DCLK1: variants seen among roughly 807,000 people sequenced by gnomAD.
DCLK1 encodes serine/threonine-protein kinase DCLK1.
Under a neutral mutation model 86.2 loss-of-function variants are expected in DCLK1, and 16 were observed. The ratio of observed to expected loss-of-function variants is 0.19; its 90% confidence interval spans 0.13 to 0.28. The LOEUF (loss-of-function observed/expected upper bound fraction) is 0.28. Ranked by LOEUF, DCLK1 falls within the 10% of genes least tolerant of loss-of-function variation. The pLI is 1.00. For synonymous variants in DCLK1, 369 were observed against 370.5 expected, an observed-to-expected ratio of 1.00 and a Z score of 0.05; for missense variants, 590 against 940.2, an observed-to-expected ratio of 0.63 and a Z score of 4.87.
intron 4 of DCLK1, among the ~76,000 whole-genome samples, chr13:35,888,142 C>G (rs1873407595): frequency 6.6e-6 from 1 of 152,138 alleles, no homozygotes; most frequent in Non-Finnish European, 1.5e-5. Context: ...GCCAAAAAGT[C>G]TAGTATTTAT....
chr13:35,979,238 C>T (rs776890709), intron 3 of DCLK1, among the ~76,000 whole-genome samples: 1 of 152,174 alleles, frequency 6.6e-6, no homozygotes, highest in Non-Finnish European at 1.5e-5. Context: ...AAGTGCCAAG[C>T]GACTTTCCAA....
At position 35,814,105 on chromosome 13, in the gene DCLK1, G is replaced by T. The variant is rs542150895; in HGVS notation, c.1555-3137C>A. On this transcript the variant is annotated intron_variant, in intron 11 of 16. Coordinates refer to ENST00000360631, the MANE Select transcript of DCLK1 (RefSeq NM_001330071.2). ...GTTTAAGAAGCCCTCTCTCAACGGG[G>T]ACTCTTCATTAGCACCTGCTACGGC... 1.8e-4 allele frequency among the ~76,000 whole-genome samples: 27 copies of T among 152,152 alleles called. No individual in the cohort carries two copies. The South Asian group carries it at 5.6e-3, about 32-fold the overall frequency.
intron 3 of DCLK1, among the ~76,000 whole-genome samples, chr13:36,086,953 T>C (rs980736886): frequency 6.6e-6 from 1 of 152,228 alleles, no homozygotes. Flanking sequence ...ATCTTTATAG[T>C]AGAATGATTT....
At chr13:36,064,932 T>C (rs2153160041) in intron 3 of DCLK1, among the ~76,000 whole-genome samples, 1 of 152,282 alleles carries the variant, frequency 6.6e-6, no homozygotes, top group South Asian at 2.1e-4. Flanking sequence ...TGAAAGGCAA[T>C]GGTACTAATA....
At chr13:36,110,311 T>C (rs1220058973) in intron 3 of DCLK1, among the ~76,000 whole-genome samples, 1 of 152,130 alleles carries the variant, frequency 6.6e-6, no homozygotes. Flanking sequence ...ATTTACGACA[T>C]TTAGGCTACA....
intron 4 of DCLK1, among the ~76,000 whole-genome samples, chr13:35,890,464 A>G (rs1873576635): frequency 6.6e-6 from 1 of 152,202 alleles, no homozygotes; most frequent in South Asian, 2.1e-4. Flanking sequence ...AAATGGATAT[A>G]TAGTAATTTA....
chr13:35,906,966 C>T (rs1874722152), intron 4 of DCLK1, among the ~76,000 whole-genome samples: 2 of 152,088 alleles, frequency 1.3e-5, no homozygotes, highest in Non-Finnish European at 2.9e-5. Context: ...TTCTGCAAGC[C>T]CAGCTGCTAA....
intron 6 of DCLK1, among the ~76,000 whole-genome samples, chr13:35,843,110 A>G (rs1362510498): frequency 6.6e-6 from 1 of 152,222 alleles, no homozygotes; most frequent in African/African-American, 2.4e-5. Context: ...TTGCTTGTAA[A>G]TGGAATCAAT....
At chr13:35,880,839 T>C (rs1008628485) in intron 4 of DCLK1, among the ~76,000 whole-genome samples, 3 of 152,190 alleles carry the variant, frequency 2.0e-5, no homozygotes, top group Non-Finnish European at 2.9e-5. Context: ...GTTATTAAAA[T>C]TGAGAAGCTC....
At chr13:36,035,593 C>T (rs1882459701) in intron 3 of DCLK1, among the ~76,000 whole-genome samples, 1 of 152,186 alleles carries the variant, frequency 6.6e-6, no homozygotes, top group Non-Finnish European at 1.5e-5. Flanking sequence ...AGCAGGAATG[C>T]AGTGGTACAA....
intron 3 of DCLK1, among the ~76,000 whole-genome samples, chr13:36,082,258 C>T (rs563863845): frequency 6.6e-6 from 1 of 152,220 alleles, no homozygotes; most frequent in African/African-American, 2.4e-5. Flanking sequence ...AGGATAAAGA[C>T]CTTTATGGTG....
chr13:35,790,398 T>C (rs1429211210), intron 16 of DCLK1, among the ~76,000 whole-genome samples: 2 of 152,178 alleles, frequency 1.3e-5, no homozygotes, highest in Non-Finnish European at 1.5e-5. Flanking sequence ...TGAGAAGTAC[T>C]AGTTAAAAAT....
intron 3 of DCLK1, among the ~76,000 whole-genome samples, chr13:35,977,774 T>C (rs1879419629): frequency 6.6e-6 from 1 of 151,750 alleles, no homozygotes; most frequent in African/African-American, 2.4e-5. Context: ...AATGGTGTCA[T>C]ACACCCAAGA....
At chr13:35,998,486 G>T (rs192562256) in intron 3 of DCLK1, among the ~76,000 whole-genome samples, 2 of 151,952 alleles carry the variant, frequency 1.3e-5, no homozygotes, top group South Asian at 4.2e-4. Flanking sequence ...CAGCCGATGC[G>T]TCTCTACCAA....
chr13:35,958,111 TCACCACCACCAC>T (rs1878157816), intron 3 of DCLK1, among the ~76,000 whole-genome samples: 1 of 74,704 alleles, frequency 1.3e-5, no homozygotes. Flanking sequence ...ATAACCACCA[TCACCACCACCAC>T]TACCACTACT....
intron 4 of DCLK1, among the ~76,000 whole-genome samples, chr13:35,914,788 C>T (rs1381697721): frequency 1.3e-5 from 2 of 151,808 alleles, no homozygotes; most frequent in Non-Finnish European, 2.9e-5. Context: ...TGAACCATCT[C>T]ACGAAAAGAC....
intron 15 of DCLK1, among the ~76,000 whole-genome samples, chr13:35,797,450 T>C (rs556168499): frequency 6.6e-6 from 1 of 152,282 alleles, no homozygotes; most frequent in South Asian, 2.1e-4. Flanking sequence ...CTAGCAACTC[T>C]TTCAGATACT....
At chr13:35,958,410 A>G (rs984243900) in intron 3 of DCLK1, among the ~76,000 whole-genome samples, 1 of 144,438 alleles carries the variant, frequency 6.9e-6, no homozygotes, top group Non-Finnish European at 1.5e-5. Flanking sequence ...TACTATAACC[A>G]TCACCACCAC....
intron 3 of DCLK1, among the ~76,000 whole-genome samples, chr13:35,958,346 T>C (rs1476901936): frequency 4.2e-4 from 1 of 2,382 alleles, no homozygotes; most frequent in East Asian, 8.5e-3. Context: ...TCACCACCAC[T>C]ACTATGACTA....
Sources: gnomAD v4.1 joint callset for allele counts (sites outside exome capture counted in the v4.1 genomes callset) on GRCh38, gnomAD v4.1.1 for gene constraint, MANE v1.5 for transcripts, NCBI Gene and HGNC (gene_info 2026-07-23, HGNC 2026-07-21) for gene names.